The following UNC13C variants were observed in gnomAD, a reference collection of about 807,000 sequenced individuals.
UNC13C encodes unc-13 homolog C, also known as protein unc-13 homolog C.
In UNC13C, 174 loss-of-function variants were observed where a neutral mutation model predicts 245.4. The ratio of observed to expected loss-of-function variants is 0.71; its 90% CI spans 0.63 to 0.80. UNC13C has a LOEUF of 0.80. Among genes scored for constraint, UNC13C ranks in the 30% least tolerant of loss-of-function variants. The pLI is 0.00. For missense variants in UNC13C, 2,829 were observed against 2,602.9 expected, an observed-to-expected ratio of 1.09 and a Z score of -1.89; for synonymous variants, 992 against 895.1, an observed-to-expected ratio of 1.11 and a Z score of -1.93.
chr15:54,408,541 T>C (rs1350326254), intron 18 of UNC13C, among the ~76,000 whole-genome samples: 1 of 152,198 alleles, frequency 6.6e-6, no homozygotes. Context: ...CTCCGATTGA[T>C]TCTACTTCAA....
chr15:53,887,610 T>C, the UNC13C span, among the ~76,000 whole-genome samples: 1 of 152,280 alleles, frequency 6.6e-6, no homozygotes, highest in East Asian at 1.9e-4. Flanking sequence ...AGTTCTGGGG[T>C]ACATGTGCAG....
At chr15:54,211,266 A>G (rs1456699214) in intron 4 of UNC13C, among the ~76,000 whole-genome samples, 1 of 152,136 alleles carries the variant, frequency 6.6e-6, no homozygotes, top group African/African-American at 2.4e-5. Context: ...ATATTTCTAT[A>G]AATGTTATGT....
At chr15:54,038,124 A>ATATATAAAAATTTTTTTTTTTTTTTT in intron 2 of UNC13C, among the ~76,000 whole-genome samples, 1 of 45,038 alleles carries the variant, frequency 2.2e-5, no homozygotes, top group African/African-American at 1.1e-4. Flanking sequence ...ATATATATAT[A>ATATATAAAAATTTTTTTTTTTTTTTT]TTTTTTTTTT....
chr15:54,088,025 A>T (rs1463505800), intron 2 of UNC13C, among the ~76,000 whole-genome samples: 1 of 152,060 alleles, frequency 6.6e-6, no homozygotes, highest in South Asian at 2.1e-4. Flanking sequence ...AATGCCTACA[A>T]GTAACACCTA....
intron 4 of UNC13C, among the ~76,000 whole-genome samples, chr15:54,151,610 C>T (rs936460012): frequency 6.6e-6 from 1 of 152,006 alleles, no homozygotes. Context: ...CACCAAGTTG[C>T]CCAGGGTGGT....
chr15:54,280,681 TACATATATAA>T (rs984560219), intron 10 of UNC13C, among the ~76,000 whole-genome samples: 4 of 81,340 alleles, frequency 4.9e-5, no homozygotes, highest in African/African-American at 1.8e-4. Context: ...TATACATATA[TACATATATAA>T]ACATATGTAT....
intron 4 of UNC13C, among the ~76,000 whole-genome samples, chr15:54,188,244 A>G (rs2034063643): frequency 6.6e-6 from 1 of 152,210 alleles, no homozygotes. Flanking sequence ...AAACCATAAC[A>G]TTTGAAGTTA....
rs12914105 is a variant in UNC13C at position 54,359,894 on chromosome 15, T to G, written c.4713+21405T>G. Among the ~76,000 whole-genome samples, 2 of 151,930 alleles carry G rather than the reference T, an allele frequency of 1.3e-5. 1 individual carries two copies. Among genetic ancestry groups the G allele is most frequent in the South Asian group, 4.1e-4 (2 of 4,828 alleles). On this transcript the variant is annotated intron_variant, in intron 17 of 32. Transcript: ENST00000260323. ...TTTCTTCTACCAATATTAAGTTTAG[T>G]TGGTTTTTGTTTTTCTAGTTTCCTA...
At chr15:54,158,139 A>G (rs2032829231) in intron 4 of UNC13C, among the ~76,000 whole-genome samples, 1 of 152,228 alleles carries the variant, frequency 6.6e-6, no homozygotes, top group Non-Finnish European at 1.5e-5. Flanking sequence ...AGTTCTTTCT[A>G]GAACTGAATT....
At chr15:54,587,857 T>C (rs892571236) in intron 30 of UNC13C, among the ~76,000 whole-genome samples, 11 of 152,238 alleles carry the variant, frequency 7.2e-5, no homozygotes, top group African/African-American at 2.7e-4. Flanking sequence ...TGTTCAATAA[T>C]AAAATATTTG....
At chr15:53,972,808 ATTG>A in the UNC13C span, 3 of 152,160 alleles carry the variant, frequency 2.0e-5, no homozygotes, top group African/African-American at 2.4e-5. Flanking sequence ...AAAGGAAGTC[ATTG>A]TTGTTTTCTT....
intron 4 of UNC13C, among the ~76,000 whole-genome samples, chr15:54,162,031 G>A (rs1254168269): frequency 1.3e-5 from 2 of 152,118 alleles, no homozygotes; most frequent in African/African-American, 4.8e-5. Flanking sequence ...ATTTATGTTG[G>A]TCATCCAGCA....
At chr15:54,123,069 G>A (rs1385644323) in intron 2 of UNC13C, among the ~76,000 whole-genome samples, 1 of 152,014 alleles carries the variant, frequency 6.6e-6, no homozygotes, top group Non-Finnish European at 1.5e-5. Flanking sequence ...TCCCTGAAGT[G>A]TAGCAGAGTT....
intron 2 of UNC13C, among the ~76,000 whole-genome samples, chr15:54,123,807 C>T (rs1239744273): frequency 6.6e-6 from 1 of 152,134 alleles, no homozygotes; most frequent in African/African-American, 2.4e-5. Context: ...TCCTTCACCA[C>T]AAAGCTCTCT....
intron 30 of UNC13C, among the ~76,000 whole-genome samples, chr15:54,619,040 C>G (rs1408278415): frequency 6.6e-6 from 1 of 151,898 alleles, no homozygotes; most frequent in Non-Finnish European, 1.5e-5. Flanking sequence ...CAGTGTTTGC[C>G]TCTTTCTTCT....
At chr15:54,280,333 T>C (rs2036943181) in intron 10 of UNC13C, among the ~76,000 whole-genome samples, 1 of 151,882 alleles carries the variant, frequency 6.6e-6, no homozygotes, top group African/African-American at 2.4e-5. Context: ...GTTAAAGGGG[T>C]AAATGATATG....
At chr15:54,538,558 A>C (rs1278785106) in intron 26 of UNC13C, among the ~76,000 whole-genome samples, 3 of 152,118 alleles carry the variant, frequency 2.0e-5, no homozygotes, top group African/African-American at 7.2e-5. Flanking sequence ...TGTTCATTGC[A>C]GCACTGTTCA....
At chr15:54,418,427 G>T (rs1265376714) in intron 19 of UNC13C, among the ~76,000 whole-genome samples, 2 of 152,130 alleles carry the variant, frequency 1.3e-5, no homozygotes, top group Non-Finnish European at 2.9e-5. Flanking sequence ...AGCAGGGCAA[G>T]ACCAAGGTGG....
In UNC13C at chr15:54,464,583, T is replaced by C. The variant is rs549903305; in HGVS notation, c.4934-30025T>C. 7.5e-4 allele frequency among the ~76,000 whole-genome samples: 114 copies of C among 152,244 alleles called. 4 individuals carry two copies. In the South Asian group the frequency reaches 0.024, roughly 32 times the overall value. ...AAATGTATTTTTGAAAATTCTGTAG[T>C]GGTCATAGTACAAGGAAAAGGACTC... is the stretch of plus-strand genomic sequence containing the variant. On this transcript the variant is annotated intron_variant, in intron 19 of 32. Transcript: ENST00000260323.
Sources: gnomAD v4.1 joint callset for allele counts (sites outside exome capture counted in the v4.1 genomes callset) on GRCh38, gnomAD v4.1.1 for gene constraint, MANE v1.5 for transcripts, NCBI Gene and HGNC (gene_info 2026-07-23, HGNC 2026-07-21) for gene names.